Variants in HESX1 observed in about 807,000 individuals in gnomAD.
HESX1 encodes the protein homeobox expressed in ES cells 1.
HESX1 carries 11 observed loss-of-function variants against 22.5 expected under a neutral mutation model. The observed-to-expected ratio is 0.49, with a 90% CI of 0.31 to 0.81. The LOEUF is 0.81. Ranked by LOEUF, HESX1 falls within the 30% of genes least tolerant of loss-of-function variation. The probability of loss-of-function intolerance (pLI) is 0.05; values close to 1 mark genes in which losing one functional copy is unlikely to be tolerated. For missense variants in HESX1, 201 were observed against 212.6 expected (o/e 0.95, Z 0.34); for synonymous variants, 74 against 76.5 (o/e 0.97, Z 0.17).
intron 1 of HESX1, among the ~76,000 whole-genome samples, chr3:57,205,837 T>G (rs1000920484): frequency 1.3e-5 from 2 of 152,154 alleles, no homozygotes; most frequent in African/African-American, 4.8e-5. Flanking sequence ...GTTTATTATG[T>G]TTATTGTCTG....
rs770758755 is a variant in HESX1, at chr3:57,198,492, T to G, written c.358A>C (p.Ile120Leu). ...CTAAAGACATTTTCTAACACTTCAA[T>G]CTAAGAAAAAAAAATGTTGATATTC... ...RPRTAFTQNQ[I>L]EVLENVFRVN... Residue 120 changes from isoleucine (I) to leucine (L), a missense_variant and splice_region_variant, in exon 3 of 4, where the codon ATT becomes CTT. By Grantham distance (5) the Ile-to-Leu change is conservative. Transcript: ENST00000295934. The G allele has an allele frequency of 6.5e-7, 1 of 1,535,622 alleles. No homozygotes were observed. The highest frequency in any genetic ancestry group is 1.1e-5 in the South Asian group (1 of 87,384).
chr3:57,223,300 T>C (rs533092059), intron 1 of HESX1, among the ~76,000 whole-genome samples: 2 of 152,362 alleles, frequency 1.3e-5, no homozygotes, highest in African/African-American at 4.8e-5. Flanking sequence ...GTTCTTGGCC[T>C]GCTCAGACAA....
intron 1 of HESX1, among the ~76,000 whole-genome samples, chr3:57,210,467 G>C (rs184828533): frequency 3.3e-5 from 5 of 152,306 alleles, no homozygotes; most frequent in Admixed American, 3.3e-4. Flanking sequence ...AGCGTAATAA[G>C]AAATGGAATA....
intron 1 of HESX1, among the ~76,000 whole-genome samples, chr3:57,214,977 G>A (rs2060575660): frequency 6.6e-6 from 1 of 152,148 alleles, no homozygotes; most frequent in African/African-American, 2.4e-5. Context: ...CAAGTATTTA[G>A]CAAACTGAAT....
chr3:57,221,349 T>G (rs1244214975), intron 1 of HESX1, among the ~76,000 whole-genome samples: 1 of 150,940 alleles, frequency 6.6e-6, no homozygotes, highest in Non-Finnish European at 1.5e-5. Context: ...TTAAGATGGG[T>G]TCTTGTCATG....
intron 1 of HESX1, among the ~76,000 whole-genome samples, chr3:57,208,007 T>G (rs2107574555): frequency 6.6e-6 from 1 of 152,352 alleles, no homozygotes; most frequent in Middle Eastern, 3.4e-3. Flanking sequence ...CTAGTCAATG[T>G]GTATTTCTTC....
At chr3:57,202,603 G>A (rs963711010), upstream of HESX1, among the ~76,000 whole-genome samples, 1 of 152,120 alleles carries the variant, frequency 6.6e-6, no homozygotes, top group Non-Finnish European at 1.5e-5. Flanking sequence ...TCCTAAAGTG[G>A]TGGGATTACA....
chr3:57,207,505 CTGTGGAT>C (rs1198932647), intron 1 of HESX1, among the ~76,000 whole-genome samples: 1 of 152,154 alleles, frequency 6.6e-6, no homozygotes, highest in African/African-American at 2.4e-5. Flanking sequence ...ACTTGGAGCC[CTGTGGAT>C]TGTGGATTGG....
intron 1 of HESX1, among the ~76,000 whole-genome samples, chr3:57,218,321 C>T (rs2060595070): frequency 6.6e-6 from 1 of 151,944 alleles, no homozygotes; most frequent in South Asian, 2.1e-4. Flanking sequence ...GTATTCTCAT[C>T]ATTTAGCTCC....
chr3:57,202,924 G>A (rs2060498290), upstream of HESX1, among the ~76,000 whole-genome samples: 1 of 152,178 alleles, frequency 6.6e-6, no homozygotes, highest in South Asian at 2.1e-4. Context: ...AAGTACAAAG[G>A]TCTTGCAGTT....
chr3:57,201,861 ATATCTATC>A (rs10576733), upstream of HESX1, among the ~76,000 whole-genome samples: 9 of 146,324 alleles, frequency 6.2e-5, no homozygotes, highest in East Asian at 8.2e-4. Context: ...TTACATATCT[ATATCTATC>A]TATCTATATC....
intron 1 of HESX1, among the ~76,000 whole-genome samples, chr3:57,211,415 A>G (rs1297191926): frequency 6.6e-6 from 1 of 150,586 alleles, no homozygotes; most frequent in African/African-American, 2.4e-5. Flanking sequence ...CTGTGATCCC[A>G]GCTACTCAGG....
intron 1 of HESX1, among the ~76,000 whole-genome samples, chr3:57,223,269 A>G (rs1441321299): frequency 1.3e-5 from 2 of 152,362 alleles, no homozygotes; most frequent in East Asian, 1.9e-4. Context: ...CAGAAGGGCT[A>G]TGATGCTATT....
At chr3:57,201,239 G>A (rs2060483831), upstream of HESX1, among the ~76,000 whole-genome samples, 2 of 152,114 alleles carry the variant, frequency 1.3e-5, no homozygotes, top group Admixed American at 1.3e-4. Context: ...GGTAAATAAA[G>A]GATCTCACAT....
chr3:57,202,181 A>G (rs1431189771), upstream of HESX1, among the ~76,000 whole-genome samples: 1 of 151,930 alleles, frequency 6.6e-6, no homozygotes, highest in African/African-American at 2.4e-5. Flanking sequence ...GGCCTCCCAA[A>G]GTGCTGGGAT....
At chr3:57,199,682 C>T (rs2060472563) in intron 1 of HESX1, 80 bp downstream of exon 1, 2 of 1,199,258 alleles carry the variant, frequency 1.7e-6, no homozygotes, top group Non-Finnish European at 2.5e-6. Context: ...AACTCTAGCT[C>T]TATGTAGTAT....
intron 1 of HESX1, among the ~76,000 whole-genome samples, chr3:57,215,802 G>A (rs1031024344): frequency 6.6e-6 from 1 of 151,938 alleles, no homozygotes; most frequent in Admixed American, 6.6e-5. Flanking sequence ...AAAAACCACA[G>A]AAAAATGTTA....
chr3:57,227,087 A>G (rs1162089822), upstream of HESX1, among the ~76,000 whole-genome samples: 1 of 152,232 alleles, frequency 6.6e-6, no homozygotes, highest in Non-Finnish European at 1.5e-5. Flanking sequence ...TTGTGATTTA[A>G]AAGAAACATG....
intron 1 of HESX1, among the ~76,000 whole-genome samples, chr3:57,212,142 A>G (rs1467296962): frequency 6.6e-6 from 1 of 151,186 alleles, no homozygotes. Flanking sequence ...GTAAAGTATT[A>G]TATTTTTCAT....
Sources: gnomAD v4.1 joint callset for allele counts (sites outside exome capture counted in the v4.1 genomes callset) on GRCh38, gnomAD v4.1.1 for gene constraint, MANE v1.5 for transcripts, NCBI Gene and HGNC (gene_info 2026-07-23, HGNC 2026-07-21) for gene names.